The following CD1B variants were observed in gnomAD, a reference collection of about 807,000 sequenced individuals.
CD1B encodes T-cell surface glycoprotein CD1b.
A neutral mutation model predicts 39.8 loss-of-function variants in CD1B; 43 were observed. The observed-to-expected ratio is 1.08, with a 90% CI of 0.85 to 1.39. The LOEUF (loss-of-function observed/expected upper bound fraction) is 1.39. CD1B is among the 40% of genes most tolerant of loss of function. CD1B has a pLI of 0.00. For missense variants in CD1B, 495 were observed against 403.8 expected, an observed-to-expected ratio of 1.23 and a Z score of -1.94; for synonymous variants, 192 against 152.5, an observed-to-expected ratio of 1.26 and a Z score of -1.91.
chr1:158,318,014 T>C, the CD1B span, among the ~76,000 whole-genome samples: 2 of 152,234 alleles, frequency 1.3e-5, no homozygotes, highest in African/African-American at 4.8e-5. Flanking sequence ...TTGATTGCAC[T>C]GTGGTCTGAG....
At chr1:158,292,127 T>A in the CD1B span, 1 of 1,614,178 alleles carries the variant, frequency 6.2e-7, no homozygotes, top group Non-Finnish European at 8.5e-7. Context: ...AGCTGCATTC[T>A]GGAAAGAGCC....
At chr1:158,302,283 C>T in the CD1B span, among the ~76,000 whole-genome samples, 1 of 151,964 alleles carries the variant, frequency 6.6e-6, no homozygotes, top group East Asian at 1.9e-4. Flanking sequence ...TGAGACACAG[C>T]TAAAACAGAG....
chr1:158,312,288 A>C, the CD1B span, among the ~76,000 whole-genome samples: 5 of 152,218 alleles, frequency 3.3e-5, no homozygotes, highest in African/African-American at 1.2e-4. Flanking sequence ...GTCTCATGAG[A>C]TATGATAGTT....
the CD1B span, among the ~76,000 whole-genome samples, chr1:158,317,394 A>G: frequency 5.3e-5 from 8 of 151,952 alleles, no homozygotes; most frequent in South Asian, 1.2e-3. Context: ...GTCTTGGGAG[A>G]GTGTATGTGT....
chr1:158,298,116 C>T, the CD1B span, among the ~76,000 whole-genome samples: 2 of 152,182 alleles, frequency 1.3e-5, no homozygotes, highest in Admixed American at 6.5e-5. Flanking sequence ...ACAAAATAAA[C>T]TTTAAACCAA....
Position 158,328,170 on chromosome 1 carries a change from C to T in CD1B, c.*66G>A, listed in dbSNP as rs16840096. On this transcript the variant is annotated 3_prime_UTR_variant, in exon 6 of 6. Coordinates refer to ENST00000368168, the MANE Select transcript of CD1B (RefSeq NM_001764.3). ...ATCATTTGAAATATGATAAGATTGA[C>T]TTTTGGGCTGATATCTTGGGCTTCT... is the stretch of plus-strand genomic sequence containing the variant. 162,374 of 1,197,052 alleles carry T rather than the reference C, an allele frequency of 0.14. 13,166 individuals carry two copies. Among genetic ancestry groups the T allele is most frequent in the East Asian group, 0.35 (14,873 of 42,664 alleles). 74.2% of individuals were successfully genotyped at this position (1,197,052 alleles called of 1,614,324 possible). A position where few individuals can be genotyped will look rare whatever the true frequency, so the allele number is the denominator to read the frequency against.
intron 2 of CD1B, 103 bp downstream of exon 2, chr1:158,330,693 A>G (rs1009178888): frequency 8.5e-7 from 1 of 1,178,212 alleles, no homozygotes; most frequent in Non-Finnish European, 1.3e-6. Flanking sequence ...GCATTTGGGT[A>G]AAATAGAAAG....
chr1:158,319,225 G>T, the CD1B span, among the ~76,000 whole-genome samples: 1 of 151,270 alleles, frequency 6.6e-6, no homozygotes, highest in Non-Finnish European at 1.5e-5. Flanking sequence ...TGCTAGATTG[G>T]GGAAGTTCTC....
chr1:158,326,137 ATT>A (rs952343483), downstream of CD1B, among the ~76,000 whole-genome samples: 24 of 151,718 alleles, frequency 1.6e-4, no homozygotes, highest in African/African-American at 5.8e-4. Context: ...TGCCCGGCTA[ATT>A]TTTTTTGTAG....
At chr1:158,325,663 ACG>A (rs1253702155), downstream of CD1B, among the ~76,000 whole-genome samples, 6 of 146,994 alleles carry the variant, frequency 4.1e-5, no homozygotes, top group South Asian at 4.2e-4. Context: ...ACACACACAC[ACG>A]CACACACACA....
At chr1:158,301,052 C>G in the CD1B span, among the ~76,000 whole-genome samples, 1 of 152,012 alleles carries the variant, frequency 6.6e-6, no homozygotes, top group Non-Finnish European at 1.5e-5. Flanking sequence ...GCCACCGTGC[C>G]TTTGTCTCTT....
chr1:158,329,864 G>C lies in CD1B; in HGVS notation c.595C>G (p.Leu199Val). ...CAGCAGGACTAACCTTGTCTTTGCA[G>C]ATCTGCTTTTCCTGCATTGAGGACG... ...LGVLNAGKAD[L>V]QRQVKPEAWL... The change falls in exon 3 of 6, where the codon CTG becomes GTG. Residue 199 changes from leucine (L) to valine (V), a missense_variant. By Grantham distance (32) the Leu-to-Val change is conservative. Transcript: ENST00000368168. 1 of 1,613,574 alleles carries C rather than the reference G, an allele frequency of 6.2e-7. No homozygotes were observed. The highest frequency in any genetic ancestry group is 8.5e-7 in the Non-Finnish European group (1 of 1,179,722).
chr1:158,309,052 G>A, the CD1B span, among the ~76,000 whole-genome samples: 5 of 152,086 alleles, frequency 3.3e-5, no homozygotes, highest in East Asian at 1.9e-4. Flanking sequence ...GCAACCTACA[G>A]AATGGGAGAA....
chr1:158,305,809 G>T, the CD1B span, among the ~76,000 whole-genome samples: 12 of 152,334 alleles, frequency 7.9e-5, no homozygotes, highest in African/African-American at 2.6e-4. Flanking sequence ...TTTCAAACCA[G>T]AATTTCATAT....
At chr1:158,328,875 C>G in intron 5 of CD1B, 46 bp downstream of exon 5, 1 of 1,313,644 alleles carries the variant, frequency 7.6e-7, no homozygotes, top group Non-Finnish European at 1.1e-6. Context: ...GAAGGGTGAA[C>G]AGAAAAGACA....
chr1:158,298,806 GCT>G, the CD1B span, among the ~76,000 whole-genome samples: 1 of 151,988 alleles, frequency 6.6e-6, no homozygotes, highest in Non-Finnish European at 1.5e-5. Context: ...TCATGATTTG[GCT>G]CTCTGTTTGT....
chr1:158,286,849 TC>T, the CD1B span, among the ~76,000 whole-genome samples: 1 of 152,190 alleles, frequency 6.6e-6, no homozygotes, highest in African/African-American at 2.4e-5. Context: ...TGTTTTTTTT[TC>T]CTCACCCCTT....
the CD1B span, among the ~76,000 whole-genome samples, chr1:158,321,127 T>C: frequency 6.6e-6 from 1 of 152,246 alleles, no homozygotes; most frequent in Non-Finnish European, 1.5e-5. Context: ...TATTGTTGTA[T>C]TGTACGCTAT....
the CD1B span, among the ~76,000 whole-genome samples, chr1:158,309,586 G>A: frequency 6.6e-6 from 1 of 152,072 alleles, no homozygotes; most frequent in African/African-American, 2.4e-5. Context: ...CAACCCAAAT[G>A]TCTAACAATG....
Sources: gnomAD v4.1 joint callset for allele counts (sites outside exome capture counted in the v4.1 genomes callset) on GRCh38, gnomAD v4.1.1 for gene constraint, MANE v1.5 for transcripts, NCBI Gene and HGNC (gene_info 2026-07-23, HGNC 2026-07-21) for gene names.